SLC26A8: variants seen among roughly 807,000 people sequenced by gnomAD.
The protein encoded by SLC26A8 is testis anion transporter 1.
Under a neutral mutation model 105.0 loss-of-function variants are expected in SLC26A8, and 70 were observed. The ratio of observed to expected loss-of-function variants is 0.67; its 90% CI spans 0.55 to 0.81. The LOEUF (loss-of-function observed/expected upper bound fraction) is 0.81. Ranked by LOEUF, SLC26A8 falls within the 40% of genes least tolerant of loss-of-function variation. SLC26A8 has a pLI of 0.00. For missense variants in SLC26A8, 998 were observed against 1,181.8 expected (o/e 0.84, Z 2.28); for synonymous variants, 415 against 438.3 (o/e 0.95, Z 0.66).
intron 3 of SLC26A8, among the ~76,000 whole-genome samples, chr6:36,011,283 A>G (rs1213731322): frequency 6.6e-6 from 1 of 152,212 alleles, no homozygotes; most frequent in African/African-American, 2.4e-5. Flanking sequence ...GAACCCAAAT[A>G]GTATATTCCA....
intron 17 of SLC26A8, 191 bp downstream of exon 17, chr6:35,954,961 A>G: frequency 1.5e-6 from 1 of 681,586 alleles, no homozygotes; most frequent in East Asian, 2.7e-5. Flanking sequence ...GAAAAAAGAA[A>G]AAAGAATTGG....
At chr6:35,961,350 C>A (rs141274852) in intron 12 of SLC26A8, among the ~76,000 whole-genome samples, 1 of 152,108 alleles carries the variant, frequency 6.6e-6, no homozygotes, top group Admixed American at 6.5e-5. Context: ...TCCTCATGTG[C>A]AAAATAGTAA....
intron 10 of SLC26A8, among the ~76,000 whole-genome samples, chr6:35,970,318 T>C (rs957367588): frequency 6.6e-6 from 1 of 152,192 alleles, no homozygotes; most frequent in Non-Finnish European, 1.5e-5. Context: ...CCGAAAATAA[T>C]AGCAATGCAA....
rs1229500445 is a variant in SLC26A8 at position 35,997,886 on chromosome 6, T to C, written c.479A>G (p.Asn160Ser). ...SFFLVSALLI[N>S]VLKVSPFNNG... ...GTTGAATGGGCTCACTTTCAGAACG[T>C]TGATCAGCAGAGCACTCACCAGGAA... The change falls in exon 5 of 20, where the codon AAC (asparagine) becomes AGC (serine). Residue 160 changes from asparagine to serine, a missense_variant. Transcript: ENST00000490799. The C allele has an allele frequency of 1.7e-5, 28 of 1,614,014 alleles. No homozygotes were observed. The highest frequency in any genetic ancestry group is 2.2e-5 in the Non-Finnish European group (26 of 1,180,032).
At chr6:35,951,092 C>CCCCCCCCCCCCCCT in intron 19 of SLC26A8, 71 bp downstream of exon 19, 1 of 937,036 alleles carries the variant, frequency 1.1e-6, no homozygotes, top group Non-Finnish European at 1.6e-6. Flanking sequence ...CAGCCCCCAA[C>CCCCCCCCCCCCCCT]CACCCCTCAC....
At chr6:35,988,201 G>A (rs1008446215) in intron 7 of SLC26A8, among the ~76,000 whole-genome samples, 36 of 152,120 alleles carry the variant, frequency 2.4e-4, no homozygotes, top group African/African-American at 7.2e-4. Context: ...GTGAGCCACC[G>A]TGCCCGGCCC....
chr6:35,971,641 A>G (rs73729635), intron 10 of SLC26A8, among the ~76,000 whole-genome samples: 12,341 of 152,188 alleles, frequency 0.081, 656 homozygotes, highest in African/African-American at 0.16. Flanking sequence ...GAAGACTAGA[A>G]CCTCAGAGAG....
intron 9 of SLC26A8, among the ~76,000 whole-genome samples, chr6:35,975,913 CAAAAA>C (rs34783824): frequency 1.2e-5 from 1 of 81,066 alleles, no homozygotes; most frequent in African/African-American, 5.3e-5. Context: ...AACTCCATCT[CAAAAA>C]AAAAAAAAAA....
At chr6:36,000,267 A>G (rs1761483168) in intron 3 of SLC26A8, among the ~76,000 whole-genome samples, 159 bp from the exon 4 acceptor site, 1 of 152,158 alleles carries the variant, frequency 6.6e-6, no homozygotes, top group South Asian at 2.1e-4. Context: ...AGCACTTTTT[A>G]TTATCTTCTT....
rs1170732886 is a variant in SLC26A8, at chr6:35,952,488, T to C, written c.2233-989A>G. Among the ~76,000 whole-genome samples the C allele has an allele frequency of 2.0e-5, 3 of 152,284 alleles. No individual in the cohort carries two copies. The East Asian group carries it at 5.8e-4, about 29-fold the overall frequency. ...ACTTCAAAGCAAATCAATATCGACTTTAATACTTAAGACTAAGTAGACACC... is the reference window on the plus strand; with the variant it reads ...ACTTCAAAGCAAATCAATATCGACTCTAATACTTAAGACTAAGTAGACACC... On this transcript the variant is annotated intron_variant, in intron 17 of 19. Transcript: ENST00000490799.
chr6:35,975,479 C>T lies in SLC26A8; in HGVS notation c.1183G>A (p.Ala395Thr), dbSNP rs1051710959. The change falls in exon 10 of 20, where the codon GCC becomes ACC. Residue 395 changes from alanine to threonine, a missense_variant. Ala to Thr is a moderately conservative substitution (Grantham distance 58). Transcript: ENST00000490799. ...YSVNSNQDLI[A>T]IGLCNVVSSF... ...CTGACGACATTGCAAAGGCCGATGG[C>T]TATTAAATCCTGTAAAGAAACAGCA... The T allele has an allele frequency of 6.2e-7, 1 of 1,607,724 alleles. No individual in the cohort carries two copies. The highest frequency in any genetic ancestry group is 8.5e-7 in the Non-Finnish European group (1 of 1,175,980).
At chr6:35,995,202 G>A (rs961669817) in intron 5 of SLC26A8, among the ~76,000 whole-genome samples, 2 of 152,064 alleles carry the variant, frequency 1.3e-5, no homozygotes, top group Non-Finnish European at 2.9e-5. Context: ...CTTCCATCTT[G>A]TAAATGGCAA....
intron 7 of SLC26A8, among the ~76,000 whole-genome samples, chr6:35,984,609 A>G (rs1773419303): frequency 6.6e-6 from 1 of 151,992 alleles, no homozygotes; most frequent in Admixed American, 6.6e-5. Flanking sequence ...CAAGGGTGAG[A>G]CACCGAGCTT....
At position 36,014,927 on chromosome 6, in the gene SLC26A8, G is replaced by A. The variant is rs370495051; in HGVS notation, c.189-2555C>T. The stretch of plus-strand genomic sequence containing the variant: ...ACTTATCTAGTGCTATTTCCTAGTT[G>A]CTTTACAAATACTCTTTAAATCCTC... On this transcript the variant is annotated intron_variant, in intron 2 of 19. Transcript: ENST00000490799. Among the ~76,000 whole-genome samples, 178 of 152,016 alleles carry A rather than the reference G, an allele frequency of 1.2e-3. 3 individuals are homozygous for A. In the South Asian group the frequency reaches 0.036, roughly 31 times the overall value.
At chr6:36,004,166 C>A (rs1761614558) in intron 3 of SLC26A8, among the ~76,000 whole-genome samples, 1 of 150,922 alleles carries the variant, frequency 6.6e-6, no homozygotes, top group Admixed American at 6.6e-5. Flanking sequence ...GCTTCAACCT[C>A]CCAGGCTCAG....
At chr6:35,949,032 A>G (rs1275467802) in intron 19 of SLC26A8, among the ~76,000 whole-genome samples, 2 of 152,232 alleles carry the variant, frequency 1.3e-5, no homozygotes, top group Non-Finnish European at 2.9e-5. Context: ...GTGAGAAATA[A>G]ATATCTATTA....
intron 5 of SLC26A8, among the ~76,000 whole-genome samples, chr6:35,994,882 C>T (rs774275687): frequency 5.3e-5 from 8 of 152,288 alleles, no homozygotes; most frequent in Middle Eastern, 3.4e-3. Flanking sequence ...TGGCCTGCAT[C>T]ATCTTTCAAG....
chr6:35,955,093 T>TG (rs764350538), intron 17 of SLC26A8, 59 bp downstream of exon 17: 1 of 1,603,606 alleles, frequency 6.2e-7, no homozygotes, highest in Non-Finnish European at 8.5e-7. Context: ...AGGATCAGGG[T>TG]GGGGTTGGGA....
chr6:36,018,733 T>G (rs12206103), intron 2 of SLC26A8, among the ~76,000 whole-genome samples: 21,517 of 152,188 alleles, frequency 0.14, 1,536 homozygotes, highest in Non-Finnish European at 0.15. Flanking sequence ...TTTATCAGAC[T>G]GCTAGAAGGT....
Sources: allele counts gnomAD v4.1 joint callset (sites outside exome capture counted in the v4.1 genomes callset), GRCh38; gene constraint gnomAD v4.1.1; transcripts MANE v1.5; gene names NCBI Gene and HGNC (gene_info 2026-07-23, HGNC 2026-07-21).